The following NDE1 variants were observed in gnomAD, a reference collection of about 807,000 sequenced individuals.
The protein encoded by NDE1 is nudE neurodevelopment protein 1.
A neutral mutation model predicts 43.4 loss-of-function variants in NDE1; 28 were observed. The observed-to-expected ratio is 0.65, with a 90% CI of 0.48 to 0.89. The LOEUF is 0.89. Ranked by LOEUF, NDE1 falls within the 40% of genes least tolerant of loss-of-function variation. The pLI is 0.00. For synonymous variants in NDE1, 184 were observed against 172.0 expected, an observed-to-expected ratio of 1.07 and a Z score of -0.55; for missense variants, 441 against 434.1, an observed-to-expected ratio of 1.02 and a Z score of -0.14.
At chr16:15,681,859 G>A (rs557325124) in intron 4 of NDE1, among the ~76,000 whole-genome samples, 18 of 151,838 alleles carry the variant, frequency 1.2e-4, no homozygotes, top group Admixed American at 1.3e-4. Context: ...GATTACAGGC[G>A]CCCACTGCCA....
In NDE1 at chr16:15,676,313, G is replaced by C. The variant is rs140110232; in HGVS notation, c.238-1488G>C. On this transcript the variant is annotated intron_variant, in intron 3 of 8. Coordinates refer to ENST00000396354, the MANE Select transcript of NDE1 (RefSeq NM_017668.3). ...CAACCTCCGCCTCCCGTGTTCAAGC[G>C]ATTCTCCCGCGTCAGCCTTCTGAGT... Among the ~76,000 whole-genome samples, 387 of 144,878 alleles carry C rather than the reference G, an allele frequency of 2.7e-3. 5 individuals carry two copies. Among genetic ancestry groups the C allele is most frequent in the African/African-American group, 9.2e-3 (359 of 39,168 alleles).
At chr16:15,719,749 C>A in intron 8 of NDE1, 1 of 1,613,532 alleles carries the variant, frequency 6.2e-7, no homozygotes, top group Non-Finnish European at 8.5e-7. Context: ...GCTCAGATGT[C>A]CTTACTCCCC....
chr16:15,686,133 G>C (rs1567647621), intron 4 of NDE1, among the ~76,000 whole-genome samples: 1 of 152,100 alleles, frequency 6.6e-6, no homozygotes, highest in South Asian at 2.1e-4. Flanking sequence ...TGTATTTTTA[G>C]TAGAGATGAG....
intron 8 of NDE1, chr16:15,719,061 G>C: frequency 1.4e-6 from 1 of 707,520 alleles, no homozygotes; most frequent in Non-Finnish European, 2.5e-6. Context: ...CTGGGAGGTG[G>C]AGGTTGCAGT....
At chr16:15,671,517 C>A (rs1202469593) in intron 3 of NDE1, among the ~76,000 whole-genome samples, 2 of 151,982 alleles carry the variant, frequency 1.3e-5, no homozygotes, top group Non-Finnish European at 2.9e-5. Context: ...AAATAAAAAA[C>A]CTGAGTAGTG....
Position 15,667,405 on chromosome 16 carries a change from A to G in NDE1, c.203A>G (p.Asn68Ser). 2 of 1,613,926 alleles carry G rather than the reference A, an allele frequency of 1.2e-6. No individual in the cohort carries two copies. The highest frequency in any genetic ancestry group is 1.3e-5 in the African/African-American group (1 of 75,004). ...AGGAACAGAGACCTCCTGTCCGAAA[A>G]TAACCGCCTTCGCATGGAGCTGGAA... is the stretch of plus-strand genomic sequence containing the variant. The part of the protein sequence containing the change: ...ETRNRDLLSE[N>S]NRLRMELETI... The change falls in exon 3 of 9, where the codon AAT becomes AGT. Residue 68 changes from asparagine to serine, a missense_variant. Physicochemically the swap from Asn to Ser is conservative, Grantham distance 46. Coordinates refer to ENST00000396354, the MANE Select transcript of NDE1 (RefSeq NM_017668.3).
At chr16:15,689,850 G>C (rs1413830977) in intron 5 of NDE1, among the ~76,000 whole-genome samples, 1 of 97,724 alleles carries the variant, frequency 1.0e-5, no homozygotes, top group East Asian at 2.8e-4. Flanking sequence ...TGAGGCAGGA[G>C]AATCACTTGA....
intron 1 of NDE1, among the ~76,000 whole-genome samples, chr16:15,655,429 G>A (rs183960313): frequency 1.3e-5 from 2 of 152,208 alleles, no homozygotes; most frequent in South Asian, 2.1e-4. Flanking sequence ...ACAGGCGTGA[G>A]CCATCGTGCC....
rs1177615503 is a variant in NDE1, at chr16:15,667,627, G to GTTTTTTTTTTTTTTTTTTTTTTTTT, written c.237+192_237+193insTTTTTTTTTTTTTTTTTTTTTTTTT. 6.2e-5 allele frequency among the ~76,000 whole-genome samples: 7 copies of GTTTTTTTTTTTTTTTTTTTTTTTTT among 113,124 alleles called. 3 individuals are homozygous for GTTTTTTTTTTTTTTTTTTTTTTTTT. The highest frequency in any genetic ancestry group is 7.2e-5 in the African/African-American group (2 of 27,668). 74.2% of individuals were successfully genotyped at this position (113,124 alleles called of 152,430 possible). On this transcript the variant is annotated intron_variant, in intron 3 of 8. Coordinates refer to ENST00000396354, the MANE Select transcript of NDE1 (RefSeq NM_017668.3). ...GTGCCTCTAGTGGGTGGTGCTTTTT[G>GTTTTTTTTTTTTTTTTTTTTTTTTT]TTTTGTTTTTTTTTTTTTTTTGAGA... is the stretch of plus-strand genomic sequence containing the variant.
Position 15,677,871 on chromosome 16 carries a change from C to A in NDE1, c.308C>A (p.Thr103Asn). 2.5e-6 allele frequency: 4 copies of A among 1,614,062 alleles called. No homozygotes were observed. Among genetic ancestry groups the A allele is most frequent in the Non-Finnish European group, 3.4e-6 (4 of 1,180,026 alleles). ...ISALEDDLAQTKAIKDQLQKY... is the reference protein window; with the variant it reads ...ISALEDDLAQNKAIKDQLQKY... ...GCCTTGGAGGATGACCTCGCGCAGACCAAAGCCATTAAAGACCAATTGCAG... is the reference window on the plus strand; with the variant it reads ...GCCTTGGAGGATGACCTCGCGCAGAACAAAGCCATTAAAGACCAATTGCAG... The change falls in exon 4 of 9, where the codon ACC (threonine) becomes AAC (asparagine). Residue 103 changes from threonine (T) to asparagine (N), a missense_variant. Physicochemically the swap from Thr to Asn is moderately conservative, Grantham distance 65. Coordinates refer to ENST00000396354, the MANE Select transcript of NDE1 (RefSeq NM_017668.3).
chr16:15,681,559 C>T (rs1001066681), intron 4 of NDE1, among the ~76,000 whole-genome samples: 1 of 152,006 alleles, frequency 6.6e-6, no homozygotes, highest in Non-Finnish European at 1.5e-5. Context: ...CCATACCCGG[C>T]CTTTGGCATA....
intron 8 of NDE1, chr16:15,719,735 A>G (rs1345413757): frequency 6.2e-7 from 1 of 1,613,836 alleles, no homozygotes; most frequent in Non-Finnish European, 8.5e-7. Flanking sequence ...AACAGGGAGG[A>G]CAAGCTCAGA....
intron 5 of NDE1, among the ~76,000 whole-genome samples, chr16:15,690,341 TTTTTTTTTTTTC>T (rs1466210274): frequency 7.7e-6 from 1 of 130,702 alleles, no homozygotes; most frequent in South Asian, 2.7e-4. Context: ...ACTGGCCTTT[TTTTTTTTTTTTC>T]TTTTTTTTTT....
chr16:15,702,857 C>T (rs1014640279), intron 8 of NDE1, among the ~76,000 whole-genome samples: 1 of 152,166 alleles, frequency 6.6e-6, no homozygotes, highest in African/African-American at 2.4e-5. Context: ...GGGCAGGGGG[C>T]AGTGGCCCTT....
chr16:15,648,711 G>C (rs1219426633), upstream of NDE1, among the ~76,000 whole-genome samples: 1 of 152,124 alleles, frequency 6.6e-6, no homozygotes, highest in Non-Finnish European at 1.5e-5. Flanking sequence ...GGGAGACTAA[G>C]ACAAGAAAAT....
chr16:15,707,446 T>G (rs753720168), intron 8 of NDE1, among the ~76,000 whole-genome samples: 4 of 152,194 alleles, frequency 2.6e-5, no homozygotes, highest in African/African-American at 9.7e-5. Context: ...GGTTCTGCAC[T>G]TCAGCCCACC....
chr16:15,724,188 C>T lies in NDE1; in HGVS notation c.948-3C>T. On this transcript the variant is annotated splice_polypyrimidine_tract_variant and splice_region_variant and intron_variant, in intron 8 of 8. Coordinates refer to ENST00000396354, the MANE Select transcript of NDE1 (RefSeq NM_017668.3). ...GATCAAATTTCCTCTGCTTCTTTTC[C>T]AGGTTGGACACGAGTTGCCGCTGGT... 6.2e-7 allele frequency: 1 copy of T among 1,613,962 alleles called. No homozygotes were observed. Among genetic ancestry groups the T allele is most frequent in the Non-Finnish European group, 8.5e-7 (1 of 1,180,038 alleles).
At chr16:15,675,953 G>A (rs1432402488) in intron 3 of NDE1, among the ~76,000 whole-genome samples, 1 of 152,100 alleles carries the variant, frequency 6.6e-6, no homozygotes, top group East Asian at 1.9e-4. Context: ...CTCCAAAGTG[G>A]GATTAATGAG....
intron 3 of NDE1, among the ~76,000 whole-genome samples, chr16:15,672,431 G>A (rs917233854): frequency 6.6e-6 from 1 of 152,064 alleles, no homozygotes; most frequent in Non-Finnish European, 1.5e-5. Context: ...GAGACTCAGA[G>A]CACACAGCAC....
Sources: gnomAD v4.1 joint callset for allele counts (sites outside exome capture counted in the v4.1 genomes callset) on GRCh38, gnomAD v4.1.1 for gene constraint, MANE v1.5 for transcripts, NCBI Gene and HGNC (gene_info 2026-07-23, HGNC 2026-07-21) for gene names.